Variants in NPAS3 observed in about 807,000 individuals in gnomAD.
NPAS3 encodes neuronal PAS domain protein 3.
NPAS3 carries 14 observed loss-of-function variants against 73.1 expected under a neutral mutation model. The ratio of observed to expected loss-of-function variants is 0.19; its 90% confidence interval spans 0.13 to 0.30. The LOEUF (loss-of-function observed/expected upper bound fraction) is 0.30, where lower values mean the gene tolerates loss of function less well. Among genes scored for constraint, NPAS3 ranks in the 10% least tolerant of loss-of-function variants. The pLI, the probability that NPAS3 is intolerant of heterozygous loss-of-function variation, is 1.00. For synonymous variants in NPAS3, 620 were observed against 541.5 expected, an observed-to-expected ratio of 1.14 and a Z score of -2.01; for missense variants, 1,096 against 1,250.0, an observed-to-expected ratio of 0.88 and a Z score of 1.86.
intron 7 of NPAS3, among the ~76,000 whole-genome samples, chr14:33,773,113 G>T (rs1175117380): frequency 6.6e-6 from 1 of 152,156 alleles, no homozygotes; most frequent in East Asian, 1.9e-4. Context: ...AAAAGGAATT[G>T]CCAGTGGAGC....
chr14:33,124,131 G>C (rs191550428), intron 2 of NPAS3, among the ~76,000 whole-genome samples: 2 of 152,152 alleles, frequency 1.3e-5, no homozygotes, highest in East Asian at 3.9e-4. Flanking sequence ...TAAGATTACA[G>C]GTGTGAGCCA....
intron 2 of NPAS3, among the ~76,000 whole-genome samples, chr14:33,086,111 CATT>C (rs1446086680): frequency 6.6e-6 from 1 of 152,162 alleles, no homozygotes; most frequent in Non-Finnish European, 1.5e-5. Flanking sequence ...TTGGACATGT[CATT>C]ATATGTTAAA....
intron 5 of NPAS3, among the ~76,000 whole-genome samples, chr14:33,661,283 A>G (rs541979439): frequency 3.5e-4 from 54 of 152,250 alleles, no homozygotes; most frequent in African/African-American, 1.3e-3. Flanking sequence ...TGGTTGGAGA[A>G]TCAGGTGTTT....
intron 4 of NPAS3, among the ~76,000 whole-genome samples, chr14:33,494,449 G>A (rs1184332247): frequency 6.6e-6 from 1 of 152,074 alleles, no homozygotes; most frequent in Non-Finnish European, 1.5e-5. Flanking sequence ...CGTACTGACT[G>A]TGAGGTTTCT....
intron 2 of NPAS3, among the ~76,000 whole-genome samples, chr14:33,166,162 C>T (rs149911771): frequency 1.2e-3 from 184 of 152,244 alleles, no homozygotes; most frequent in African/African-American, 4.1e-3. Flanking sequence ...CCTCACCCCT[C>T]GGTTCAATTT....
intron 2 of NPAS3, among the ~76,000 whole-genome samples, chr14:33,148,085 T>C (rs1043956621): frequency 6.6e-6 from 1 of 152,190 alleles, no homozygotes; most frequent in African/African-American, 2.4e-5. Flanking sequence ...GTGCCCTTGC[T>C]ACCTTTCTTC....
chr14:33,028,419 G>A (rs1295468163), intron 1 of NPAS3, among the ~76,000 whole-genome samples: 2 of 151,984 alleles, frequency 1.3e-5, no homozygotes, highest in African/African-American at 4.8e-5. Context: ...AACAATAGTG[G>A]GAATGATAAA....
At chr14:33,473,881 T>C (rs1464823310) in intron 4 of NPAS3, among the ~76,000 whole-genome samples, 1 of 152,204 alleles carries the variant, frequency 6.6e-6, no homozygotes, top group African/African-American at 2.4e-5. Context: ...GTTAAGTAGA[T>C]GTGATGAAGG....
Position 33,308,527 on chromosome 14 carries a change from T to TATATATATATACACACACAC in NPAS3, c.386-58658_386-58657insTATATATATACACACACACA. ...TGCATAGTTTATATATATATATATA[T>TATATATATATACACACACAC]ACATACACACACACACACACACACA... On this transcript the variant is annotated intron_variant, in intron 3 of 11. Coordinates refer to ENST00000356141, the Ensembl canonical transcript of NPAS3. Among the ~76,000 whole-genome samples the TATATATATATACACACACAC allele has an allele frequency of 1.7e-3, 173 of 103,688 alleles. 1 individual carries two copies. Among genetic ancestry groups the TATATATATATACACACACAC allele is most frequent in the South Asian group, 3.2e-3 (12 of 3,778 alleles). 68.0% of individuals were successfully genotyped at this position (103,688 alleles called of 152,430 possible).
intron 3 of NPAS3, among the ~76,000 whole-genome samples, chr14:33,299,772 G>A (rs2042453460): frequency 6.6e-6 from 1 of 151,686 alleles, no homozygotes; most frequent in Non-Finnish European, 1.5e-5. Context: ...TTTTTTCTTT[G>A]GAGTGAAATA....
chr14:33,690,197 G>A (rs2060196648), intron 6 of NPAS3, among the ~76,000 whole-genome samples: 1 of 152,098 alleles, frequency 6.6e-6, no homozygotes, highest in Non-Finnish European at 1.5e-5. Context: ...GCTGGAGAAT[G>A]GTGTGGCGGT....
At chr14:33,383,456 C>T (rs535385451) in intron 4 of NPAS3, among the ~76,000 whole-genome samples, 1 of 152,206 alleles carries the variant, frequency 6.6e-6, no homozygotes, top group African/African-American at 2.4e-5. Context: ...ATGCTGGGCT[C>T]CTAGTAGGGT....
chr14:33,503,118 T>G (rs753679227), intron 4 of NPAS3, among the ~76,000 whole-genome samples: 37 of 152,056 alleles, frequency 2.4e-4, no homozygotes, highest in Non-Finnish European at 4.9e-4. Flanking sequence ...TAACCAGGAA[T>G]ACACATAAAA....
At chr14:33,505,058 T>C (rs2052693251) in intron 4 of NPAS3, among the ~76,000 whole-genome samples, 1 of 152,012 alleles carries the variant, frequency 6.6e-6, no homozygotes, top group Non-Finnish European at 1.5e-5. Context: ...TAAATAAAAA[T>C]TGTGGAAGTT....
intron 4 of NPAS3, among the ~76,000 whole-genome samples, chr14:33,509,842 T>C (rs959500949): frequency 1.3e-5 from 2 of 152,056 alleles, no homozygotes; most frequent in African/African-American, 4.8e-5. Flanking sequence ...CAGACTATGT[T>C]TATGACTTTG....
At chr14:33,465,691 C>G (rs1249086957) in intron 4 of NPAS3, among the ~76,000 whole-genome samples, 2 of 152,032 alleles carry the variant, frequency 1.3e-5, no homozygotes, top group African/African-American at 4.8e-5. Context: ...TGCTTAACTT[C>G]TATATACTAA....
chr14:33,275,415 G>A (rs2041284723), intron 3 of NPAS3, among the ~76,000 whole-genome samples: 1 of 152,150 alleles, frequency 6.6e-6, no homozygotes, highest in African/African-American at 2.4e-5. Flanking sequence ...GGGAAAATGG[G>A]ATAGTTATTT....
Position 33,455,332 on chromosome 14 carries a change from T to G in NPAS3, c.468+88064T>G, listed in dbSNP as rs138769488. ...TGGGGGGTGGGTAGAAGCCAAAGTT[T>G]GTTATGAATTTAAAACTTTGCTATG... is the stretch of plus-strand genomic sequence containing the variant. On this transcript the variant is annotated intron_variant, in intron 4 of 11. Transcript: ENST00000356141. 1.2e-3 allele frequency among the ~76,000 whole-genome samples: 183 copies of G among 152,318 alleles called. 7 individuals are homozygous for G. The East Asian group carries it at 0.028, about 24-fold the overall frequency.
intron 3 of NPAS3, among the ~76,000 whole-genome samples, chr14:33,307,666 T>C (rs1386895320): frequency 2.0e-5 from 3 of 150,332 alleles, no homozygotes; most frequent in Non-Finnish European, 4.4e-5. Flanking sequence ...GTGGAAATAG[T>C]TCTCCATTCC....
Sources: gnomAD v4.1 joint callset for allele counts (sites outside exome capture counted in the v4.1 genomes callset) on GRCh38, gnomAD v4.1.1 for gene constraint, MANE v1.5 for transcripts, NCBI Gene and HGNC (gene_info 2026-07-23, HGNC 2026-07-21) for gene names.